Variants in HSPA2 observed in about 807,000 individuals in gnomAD.
HSPA2 encodes heat shock-related 70 kDa protein 2.
In HSPA2, 13 loss-of-function variants were observed where a neutral mutation model predicts 35.0. The ratio of observed to expected loss-of-function variants is 0.37; its 90% CI spans 0.24 to 0.59. HSPA2 has a LOEUF of 0.59. Among genes scored for constraint, HSPA2 ranks in the 20% least tolerant of loss-of-function variants. HSPA2 has a pLI of 0.70. For missense variants in HSPA2, 565 were observed against 885.4 expected, an observed-to-expected ratio of 0.64 and a Z score of 4.59; for synonymous variants, 368 against 382.1, an observed-to-expected ratio of 0.96 and a Z score of 0.43.
Position 64,541,921 on chromosome 14 carries a change from A to C in HSPA2, c.1072A>C (p.Asn358His), listed in dbSNP as rs2080036004. The C allele has an allele frequency of 3.1e-6, 5 of 1,613,434 alleles. No individual in the cohort carries two copies. The South Asian group carries it at 4.4e-5, about 14-fold the overall frequency. ...CCAGAAGCTGCTGCAGGATTTCTTC[A>C]ACGGCAAGGAGCTGAACAAGAGCAT... Reference protein sequence around the residue: ...KIQKLLQDFFNGKELNKSINP... With the variant: ...KIQKLLQDFFHGKELNKSINP... The change falls in exon 1 of 1, where the codon AAC (asparagine) becomes CAC (histidine). Residue 358 changes from asparagine to histidine, a missense_variant. By Grantham distance (68) the Asn-to-His change is moderately conservative. Coordinates refer to ENST00000247207, the MANE Select transcript of HSPA2 (RefSeq NM_021979.4).
At position 64,540,791 on chromosome 14, in the gene HSPA2, C is replaced by T; in HGVS notation, c.-59C>T. ...TTGGTTCGAGGTGGCCGTTAGTTGA[C>T]TCCGCGGAGTTCATCTCCCTGGTTT... On this transcript the variant is annotated 5_prime_UTR_variant, in exon 1 of 1. Transcript: ENST00000247207. 6.3e-7 allele frequency: 1 copy of T among 1,589,520 alleles called. No individual in the cohort carries two copies. The highest frequency in any genetic ancestry group is 8.6e-7 in the Non-Finnish European group (1 of 1,166,444).
At position 64,541,642 on chromosome 14, in the gene HSPA2, C is replaced by A. The variant is rs1226349811; in HGVS notation, c.793C>A (p.Arg265=). 12 of 1,611,306 alleles carry A rather than the reference C, an allele frequency of 7.4e-6. No individual in the cohort carries two copies. The highest frequency in any genetic ancestry group is 1.7e-5 in the Admixed American group (1 of 59,992). The part of the protein sequence containing the change: ...DIGPNKRAVR[R]LRTACERAKR... ...TGGGCCCAACAAGCGCGCCGTGAGG[C>A]GGCTGCGCACCGCTTGCGAGCGCGC... Residue 265 remains arginine, a synonymous_variant, in exon 1 of 1, where the codon CGG becomes AGG. Coordinates refer to ENST00000247207, the MANE Select transcript of HSPA2 (RefSeq NM_021979.4).
Position 64,540,882 on chromosome 14 carries a change from C to T in HSPA2, c.33C>T (p.Asp11=), listed in dbSNP as rs1596713284. The T allele has an allele frequency of 6.2e-7, 1 of 1,614,150 alleles. No individual in the cohort carries two copies. Among genetic ancestry groups the T allele is most frequent in the South Asian group, 1.1e-5 (1 of 91,082 alleles). ...CCCGTGGCCCGGCTATCGGCATCGACCTGGGCACCACCTATTCGTGCGTCG... is the reference window on the plus strand; with the variant it reads ...CCCGTGGCCCGGCTATCGGCATCGATCTGGGCACCACCTATTCGTGCGTCG... MSARGPAIGI[D]LGTTYSCVGV... is the part of the protein sequence containing the mutation. The change falls in exon 1 of 1, where the codon GAC becomes GAT. Residue 11 remains aspartate (D), a synonymous_variant. Transcript: ENST00000247207.
At chr14:64,538,430 C>A (rs1485140300), upstream of HSPA2, among the ~76,000 whole-genome samples, 1 of 152,154 alleles carries the variant, frequency 6.6e-6, no homozygotes, top group Non-Finnish European at 1.5e-5. Flanking sequence ...TTGCCTGTAT[C>A]CCTCCCTTCT....
chr14:64,542,766 C>T lies in HSPA2; in HGVS notation c.1917C>T (p.Asp639=). The T allele has an allele frequency of 1.9e-6, 3 of 1,602,898 alleles. No individual in the cohort carries two copies. The highest frequency in any genetic ancestry group is 2.7e-5 in the African/African-American group (2 of 74,738). The part of the protein sequence containing the change: ...ASGGPTIEEV[D] ...GGGGACCCACCATCGAAGAAGTGGA[C>T]TAAGCTTGCACTCAAGTCAGCGTAA... Residue 639 remains aspartate (D), a synonymous_variant, in exon 1 of 1, where the codon GAC becomes GAT. Coordinates refer to ENST00000247207, the MANE Select transcript of HSPA2 (RefSeq NM_021979.4). The surrounding 1 kb of genome is among the most constrained non-coding windows in gnomAD (Gnocchi z 5.7).
upstream of HSPA2, among the ~76,000 whole-genome samples, chr14:64,537,180 A>G (rs2079985803): frequency 6.6e-6 from 1 of 152,176 alleles, no homozygotes; most frequent in African/African-American, 2.4e-5. Context: ...TCTAAGTCAT[A>G]TATCATCAGT....
chr14:64,542,632 T>A lies in HSPA2; in HGVS notation c.1783T>A (p.Tyr595Asn). ...DRNQMAEKDE[Y>N]EHKQKELERV... is the part of the protein sequence containing the mutation. Reference sequence around the variant, plus strand: ...AAACCAGATGGCAGAGAAAGATGAGTATGAACACAAGCAGAAAGAGCTCGA... The same window carrying A: ...AAACCAGATGGCAGAGAAAGATGAGAATGAACACAAGCAGAAAGAGCTCGA... Residue 595 changes from tyrosine (Y) to asparagine (N), a missense_variant, in exon 1 of 1, where the codon TAT becomes AAT. Coordinates refer to ENST00000247207, the MANE Select transcript of HSPA2 (RefSeq NM_021979.4). This position sits in a 1 kb window ranked among gnomAD's most constrained non-coding sequence, Gnocchi z 5.7. 1 of 1,613,086 alleles carries A rather than the reference T, an allele frequency of 6.2e-7. No individual in the cohort carries two copies.
chr14:64,542,391 C>T lies in HSPA2; in HGVS notation c.1542C>T (p.Ser514=), dbSNP rs201636500. ...ITITNDKGRL[S]KDDIDRMVQE... Reference sequence around the variant, plus strand: ...TCACCAATGACAAAGGTCGTCTGAGCAAGGACGACATTGACCGGATGGTGC... The same window carrying T: ...TCACCAATGACAAAGGTCGTCTGAGTAAGGACGACATTGACCGGATGGTGC... The change falls in exon 1 of 1, where the codon AGC becomes AGT. Residue 514 remains serine (S), a synonymous_variant. Coordinates refer to ENST00000247207, the MANE Select transcript of HSPA2 (RefSeq NM_021979.4). This position sits in a 1 kb window ranked among gnomAD's most constrained non-coding sequence, Gnocchi z 5.7. The T allele has an allele frequency of 1.2e-5, 20 of 1,613,828 alleles. No homozygotes were observed. The East Asian group carries it at 4.0e-4, about 32-fold the overall frequency.
At chr14:64,540,505 G>T (rs45557336), upstream of HSPA2, 4,954 of 284,120 alleles carry the variant, frequency 0.017, 225 homozygotes, top group African/African-American at 0.1. Flanking sequence ...ACGGCCTGGC[G>T]GCCGAGAGTC....
chr14:64,541,924 G>T lies in HSPA2; in HGVS notation c.1075G>T (p.Gly359Cys). The T allele has an allele frequency of 6.2e-7, 1 of 1,613,562 alleles. No individual in the cohort carries two copies. The highest frequency in any genetic ancestry group is 8.5e-7 in the Non-Finnish European group (1 of 1,180,004). The change falls in exon 1 of 1, where the codon GGC becomes TGC. Residue 359 changes from glycine to cysteine, a missense_variant. By Grantham distance (159) the Gly-to-Cys change is radical. Coordinates refer to ENST00000247207, the MANE Select transcript of HSPA2 (RefSeq NM_021979.4). ...IQKLLQDFFNGKELNKSINPD... is the reference protein window; with the variant it reads ...IQKLLQDFFNCKELNKSINPD... The stretch of plus-strand genomic sequence containing the variant: ...GAAGCTGCTGCAGGATTTCTTCAAC[G>T]GCAAGGAGCTGAACAAGAGCATCAA...
upstream of HSPA2, among the ~76,000 whole-genome samples, chr14:64,538,112 A>G (rs887897510): frequency 1.3e-5 from 2 of 152,232 alleles, no homozygotes; most frequent in Admixed American, 6.5e-5. Flanking sequence ...TAAAATTAGT[A>G]CTAACTGATG....
chr14:64,537,729 C>CTTTTT (rs1454024408), upstream of HSPA2, among the ~76,000 whole-genome samples: 1 of 98,738 alleles, frequency 1.0e-5, no homozygotes. Context: ...ATTTTCTTTT[C>CTTTTT]TTTTTCTTTT....
chr14:64,536,457 T>C (rs1274696625), upstream of HSPA2, among the ~76,000 whole-genome samples: 1 of 152,194 alleles, frequency 6.6e-6, no homozygotes, highest in Non-Finnish European at 1.5e-5. Context: ...CATGATCATA[T>C]TTAATGTAAA....
At position 64,541,876 on chromosome 14, in the gene HSPA2, T is replaced by C. The variant is rs764410231; in HGVS notation, c.1027T>C (p.Ser343Pro). 6.2e-7 allele frequency: 1 copy of C among 1,613,494 alleles called. No individual in the cohort carries two copies. The highest frequency in any genetic ancestry group is 1.1e-5 in the South Asian group (1 of 91,082). Residue 343 changes from serine (S) to proline (P), a missense_variant, in exon 1 of 1, where the codon TCC (serine) becomes CCC (proline). By Grantham distance (74) the Ser-to-Pro change is moderately conservative (BLOSUM62 -1). This residue lies in a region of HSPA2 where 234 missense variants were observed against 419.0 expected (regional missense o/e 0.56). Coordinates refer to ENST00000247207, the MANE Select transcript of HSPA2 (RefSeq NM_021979.4). The part of the protein sequence containing the change: ...QIQEIVLVGG[S>P]TRIPKIQKLL... ...CCAGGAGATCGTGCTGGTGGGCGGC[T>C]CCACTCGTATCCCCAAGATCCAGAA... is the stretch of plus-strand genomic sequence containing the variant.
In HSPA2 at chr14:64,541,617, T is replaced by C; in HGVS notation, c.768T>C (p.Ile256=). The C allele has an allele frequency of 1.2e-6, 2 of 1,611,456 alleles. No homozygotes were observed. Among genetic ancestry groups the C allele is most frequent in the Non-Finnish European group, 1.7e-6 (2 of 1,179,828 alleles). Residue 256 remains isoleucine (I), a synonymous_variant, in exon 1 of 1, where the codon ATT becomes ATC. Transcript: ENST00000247207. ...TCAAGCGCAAGCACAAGAAGGACATTGGGCCCAACAAGCGCGCCGTGAGGC... is the reference window on the plus strand; with the variant it reads ...TCAAGCGCAAGCACAAGAAGGACATCGGGCCCAACAAGCGCGCCGTGAGGC... ...EEFKRKHKKD[I]GPNKRAVRRL...
chr14:64,541,605 C>G lies in HSPA2; in HGVS notation c.756C>G (p.His252Gln), dbSNP rs1031171415. 1.9e-6 allele frequency: 3 copies of G among 1,611,592 alleles called. No individual in the cohort carries two copies. Among genetic ancestry groups the G allele is most frequent in the Non-Finnish European group, 2.5e-6 (3 of 1,179,864 alleles). Residue 252 changes from histidine (H) to glutamine (Q), a missense_variant, in exon 1 of 1, where the codon CAC (histidine) becomes CAG (glutamine). Coordinates refer to ENST00000247207, the MANE Select transcript of HSPA2 (RefSeq NM_021979.4). The stretch of plus-strand genomic sequence containing the variant: ...TGGCGGAGGAGTTCAAGCGCAAGCA[C>G]AAGAAGGACATTGGGCCCAACAAGC... ...SHLAEEFKRKHKKDIGPNKRA... is the reference protein window; with the variant it reads ...SHLAEEFKRKQKKDIGPNKRA...
upstream of HSPA2, among the ~76,000 whole-genome samples, chr14:64,537,605 C>T (rs538057697): frequency 1.3e-4 from 20 of 150,502 alleles, no homozygotes; most frequent in Non-Finnish European, 2.1e-4. Flanking sequence ...ATACCCCCCA[C>T]CCCCAAACTA....
chr14:64,538,481 A>G (rs2079996270), upstream of HSPA2, among the ~76,000 whole-genome samples: 1 of 152,178 alleles, frequency 6.6e-6, no homozygotes, highest in Admixed American at 6.5e-5. Context: ...AGTCCAGCAA[A>G]CATTGCTCTC....
upstream of HSPA2, chr14:64,540,592 T>G: frequency 3.7e-6 from 2 of 537,520 alleles, no homozygotes; most frequent in Non-Finnish European, 6.5e-6. Context: ...TCGTCCAACT[T>G]GAAATCTGTT....
Sources: allele counts gnomAD v4.1 joint callset (sites outside exome capture counted in the v4.1 genomes callset), GRCh38; gene constraint gnomAD v4.1.1; regional missense constraint gnomAD v4.1.1; non-coding constraint Gnocchi (gnomAD v3.1); transcripts MANE v1.5; gene names NCBI Gene and HGNC (gene_info 2026-07-23, HGNC 2026-07-21).